The following LOC400499 variants were observed in gnomAD, a reference collection of about 807,000 sequenced individuals.
the LOC400499 span, chr16:11,465,492 CAG>C: frequency 1.3e-5 from 2 of 152,150 alleles, no homozygotes; most frequent in African/African-American, 2.4e-5. Flanking sequence ...AACACAGTGA[CAG>C]GGGCTTCAAA....
chr16:11,457,107 G>T, the LOC400499 span: 1 of 1,438,676 alleles, frequency 7.0e-7, no homozygotes, highest in South Asian at 1.4e-5. Context: ...ATGTGCCCGG[G>T]AAGTTGAGGC....
chr16:11,398,195 C>G, the LOC400499 span, among the ~76,000 whole-genome samples: 1 of 152,180 alleles, frequency 6.6e-6, no homozygotes, highest in African/African-American at 2.4e-5. Flanking sequence ...ATGTGCACTG[C>G]CCAGTCACCC....
the LOC400499 span, among the ~76,000 whole-genome samples, chr16:11,438,377 C>T: frequency 6.6e-6 from 1 of 152,114 alleles, no homozygotes; most frequent in South Asian, 2.1e-4. Context: ...AAAGCTCATG[C>T]CTCTAAGAAT....
the LOC400499 span, among the ~76,000 whole-genome samples, chr16:11,524,738 A>T: frequency 1.3e-5 from 2 of 149,604 alleles, no homozygotes; most frequent in Admixed American, 1.3e-4. Flanking sequence ...GAAGGCCAGC[A>T]CCCCTCCCTC....
At chr16:11,436,863 G>T in the LOC400499 span, among the ~76,000 whole-genome samples, 1 of 152,168 alleles carries the variant, frequency 6.6e-6, no homozygotes, top group East Asian at 1.9e-4. Flanking sequence ...CAAAGTGCTG[G>T]GATTACAGGC....
At chr16:11,384,186 G>A in the LOC400499 span, 1 of 1,223,388 alleles carries the variant, frequency 8.2e-7, no homozygotes, top group African/African-American at 1.6e-5. Flanking sequence ...ACCTCAGCTG[G>A]AAGCAGGACA....
chr16:11,441,126 A>G, the LOC400499 span: 1 of 398,770 alleles, frequency 2.5e-6, no homozygotes, highest in Middle Eastern at 6.3e-4. Context: ...TCCCATCTCT[A>G]TGTGCCTGCA....
chr16:11,527,309 G>T, the LOC400499 span, among the ~76,000 whole-genome samples: 3 of 152,172 alleles, frequency 2.0e-5, no homozygotes, highest in African/African-American at 7.2e-5. Flanking sequence ...GGTAGAAGGG[G>T]AGGTGGGGGG....
At chr16:11,506,369 G>A in the LOC400499 span, among the ~76,000 whole-genome samples, 2 of 152,186 alleles carry the variant, frequency 1.3e-5, no homozygotes, top group Non-Finnish European at 2.9e-5. Flanking sequence ...CCAGCCTGTG[G>A]GACATCCGGA....
the LOC400499 span, chr16:11,502,154 C>A: frequency 1.0e-5 from 4 of 399,120 alleles, no homozygotes; most frequent in Middle Eastern, 6.3e-4. Flanking sequence ...GGAGCTGGGA[C>A]ACCAGTGTCA....
chr16:11,414,576 C>G, the LOC400499 span: 3 of 399,260 alleles, frequency 7.5e-6, no homozygotes, highest in Non-Finnish European at 1.3e-5. Flanking sequence ...AGGAACACAC[C>G]AGACTACATG....
the LOC400499 span, among the ~76,000 whole-genome samples, chr16:11,452,854 A>C: frequency 6.6e-6 from 1 of 152,180 alleles, no homozygotes; most frequent in Non-Finnish European, 1.5e-5. Flanking sequence ...CAACTCTTCA[A>C]TTTCAGAAGA....
At chr16:11,385,357 G>T in the LOC400499 span, 1 of 1,232,306 alleles carries the variant, frequency 8.1e-7, no homozygotes. Flanking sequence ...TGGGTGCTGA[G>T]GTCCCATACC....
At chr16:11,429,461 C>T in the LOC400499 span, among the ~76,000 whole-genome samples, 660 of 152,286 alleles carry the variant, frequency 4.3e-3, 3 homozygotes, top group Non-Finnish European at 7.5e-3. Context: ...GCAGGGAAAG[C>T]ATTCTGCCCT....
the LOC400499 span, among the ~76,000 whole-genome samples, chr16:11,437,149 G>A: frequency 6.6e-6 from 1 of 152,206 alleles, no homozygotes; most frequent in African/African-American, 2.4e-5. Context: ...TGGTTGCCAG[G>A]GGGTGGAGTG....
the LOC400499 span, among the ~76,000 whole-genome samples, chr16:11,526,174 G>A: frequency 3.3e-5 from 5 of 152,252 alleles, no homozygotes; most frequent in South Asian, 2.1e-4. Context: ...TCTGGCCCGC[G>A]CTCTCCAGTA....
At chr16:11,462,928 T>A in the LOC400499 span, among the ~76,000 whole-genome samples, 1 of 152,126 alleles carries the variant, frequency 6.6e-6, no homozygotes, top group Non-Finnish European at 1.5e-5. Flanking sequence ...GCCCCGGTCA[T>A]CGGCCTGTCT....
the LOC400499 span, among the ~76,000 whole-genome samples, chr16:11,419,395 A>G: frequency 6.6e-6 from 1 of 151,986 alleles, no homozygotes; most frequent in African/African-American, 2.4e-5. Context: ...CTGGCTAGCC[A>G]TATGTAGAAA....
chr16:11,414,311 G>A, the LOC400499 span: 1 of 399,302 alleles, frequency 2.5e-6, no homozygotes, highest in Non-Finnish European at 4.4e-6. Flanking sequence ...AACAGAATGT[G>A]GAGGGAGGTC....
Sources: gnomAD v4.1 joint callset for allele counts (sites outside exome capture counted in the v4.1 genomes callset) on GRCh38, gnomAD v4.1.1 for gene constraint, MANE v1.5 for transcripts.